LHX4: variants seen among roughly 807,000 people sequenced by gnomAD.
The protein encoded by LHX4 is LIM homeobox 4.
A neutral mutation model predicts 39.2 loss-of-function variants in LHX4; 16 were observed. That is an observed-to-expected ratio of 0.41 (90% CI 0.28 to 0.62). The LOEUF is 0.62. Ranked by LOEUF, LHX4 falls within the 20% of genes least tolerant of loss-of-function variation. LHX4 has a pLI of 0.33. For missense variants in LHX4, 439 were observed against 511.9 expected (o/e 0.86, Z 1.37); for synonymous variants, 206 against 198.1 (o/e 1.04, Z -0.33).
rs527458853 is a variant in LHX4, at chr1:180,243,862, ACT to A, written c.77-4416_77-4415del. Among the ~76,000 whole-genome samples the A allele has an allele frequency of 3.9e-3, 595 of 152,048 alleles. 3 individuals are homozygous for A. The highest frequency in any genetic ancestry group is 6.8e-3 in the Middle Eastern group (2 of 294). On this transcript the variant is annotated intron_variant, in intron 1 of 5. Coordinates refer to ENST00000263726, the MANE Select transcript of LHX4 (RefSeq NM_033343.4). ...TTGCTGTACATGGAATCGTGTTGAG[ACT>A]CTCTCTGCCACAATTTCCTATCTAA...
chr1:180,248,172 G>T, intron 1 of LHX4, 113 bp from the exon 2 acceptor site: 2 of 939,216 alleles, frequency 2.1e-6, no homozygotes, highest in Non-Finnish European at 3.4e-6. Context: ...TCTGCGGTTT[G>T]GGCCATGTCT....
intron 2 of LHX4, among the ~76,000 whole-genome samples, chr1:180,250,355 G>A (rs554424255): frequency 1.6e-3 from 243 of 151,348 alleles, no homozygotes; most frequent in African/African-American, 3.2e-3. Flanking sequence ...GTGTGCGCGC[G>A]TGGGTTGACA....
chr1:180,242,698 T>C (rs1009603392), intron 1 of LHX4, among the ~76,000 whole-genome samples: 1 of 152,180 alleles, frequency 6.6e-6, no homozygotes, highest in Non-Finnish European at 1.5e-5. Flanking sequence ...AAAGATTCTT[T>C]GGCTGTTCCA....
chr1:180,245,619 G>T (rs1478128223), intron 1 of LHX4, among the ~76,000 whole-genome samples: 1 of 152,224 alleles, frequency 6.6e-6, no homozygotes. Flanking sequence ...CCGTGGGCAT[G>T]ACAGTTATCT....
intron 2 of LHX4, among the ~76,000 whole-genome samples, chr1:180,254,550 C>G (rs1214892393): frequency 6.6e-6 from 1 of 152,240 alleles, no homozygotes; most frequent in African/African-American, 2.4e-5. Flanking sequence ...TGGCTGCAGA[C>G]AGGGCTTCAC....
intron 1 of LHX4, among the ~76,000 whole-genome samples, chr1:180,242,057 C>A (rs1664454568): frequency 6.6e-6 from 1 of 151,850 alleles, no homozygotes; most frequent in Non-Finnish European, 1.5e-5. Flanking sequence ...TGAGCCCTTT[C>A]CAAAAAAGTA....
chr1:180,261,303 G>C (rs1373843823), intron 2 of LHX4, among the ~76,000 whole-genome samples: 1 of 151,682 alleles, frequency 6.6e-6, no homozygotes. Flanking sequence ...AAGGGAGGCA[G>C]GCAGGGATCA....
At position 180,248,363 on chromosome 1, in the gene LHX4, G is replaced by A. The variant is rs1429668494; in HGVS notation, c.155G>A (p.Ser52Asn). 1 of 1,614,128 alleles carries A rather than the reference G, an allele frequency of 6.2e-7. No individual in the cohort carries two copies. Reference protein sequence around the residue: ...ILKVLDRHWHSSCLKCADCQM... With the variant: ...ILKVLDRHWHNSCLKCADCQM... ...AAGGTCCTGGACAGACACTGGCACA[G>A]CTCCTGCCTCAAGTGTGCAGACTGC... The change falls in exon 2 of 6, where the codon AGC becomes AAC. Residue 52 changes from serine to asparagine, a missense_variant. Ser to Asn is a conservative substitution (Grantham distance 46, BLOSUM62 1). Transcript: ENST00000263726.
intron 2 of LHX4, among the ~76,000 whole-genome samples, chr1:180,260,796 C>T (rs918550169): frequency 6.6e-5 from 10 of 151,874 alleles, no homozygotes; most frequent in Non-Finnish European, 1.3e-4. Flanking sequence ...CAGCCTAGGT[C>T]AGGGCACCAA....
chr1:180,267,489 T>A (rs1648371037), intron 3 of LHX4, among the ~76,000 whole-genome samples: 1 of 152,226 alleles, frequency 6.6e-6, no homozygotes, highest in South Asian at 2.1e-4. Flanking sequence ...GGTGGACACT[T>A]TTATTCCTGC....
At chr1:180,231,873 C>T (rs1664190699) in intron 1 of LHX4, among the ~76,000 whole-genome samples, 1 of 152,144 alleles carries the variant, frequency 6.6e-6, no homozygotes, top group Non-Finnish European at 1.5e-5. Flanking sequence ...GTACCGTAGG[C>T]TTCCCTGGGA....
At chr1:180,251,286 G>A (rs916701140) in intron 2 of LHX4, among the ~76,000 whole-genome samples, 9 of 152,212 alleles carry the variant, frequency 5.9e-5, no homozygotes, top group Non-Finnish European at 1.2e-4. Context: ...TCCCAGGCAT[G>A]CTTGGTGGGC....
chr1:180,246,377 T>G (rs1328589842), intron 1 of LHX4, among the ~76,000 whole-genome samples: 1 of 152,230 alleles, frequency 6.6e-6, no homozygotes, highest in Non-Finnish European at 1.5e-5. Context: ...TGTTAACACT[T>G]TTTAAATTAT....
Position 180,271,288 on chromosome 1 carries a change from T to G in LHX4, c.452-92T>G, listed in dbSNP as rs569788850. 2.3e-4 allele frequency: 326 copies of G among 1,424,586 alleles called. 1 individual carries two copies. In the Middle Eastern group the frequency reaches 6.0e-3, roughly 26 times the overall value. 88.2% of individuals were successfully genotyped at this position (1,424,586 alleles called of 1,614,324 possible). On this transcript the variant is annotated intron_variant, in intron 3 of 5. Coordinates refer to ENST00000263726, the MANE Select transcript of LHX4 (RefSeq NM_033343.4). ...GCTGTCCTGCCTACAGCAGGCAGGC[T>G]TAGGTGCAGAAAGGATGGAAGGGAG...
At position 180,242,124 on chromosome 1, in the gene LHX4, C is replaced by G. The variant is rs553788578; in HGVS notation, c.77-6161C>G. Among the ~76,000 whole-genome samples the G allele has an allele frequency of 2.0e-5, 3 of 152,290 alleles. No individual in the cohort carries two copies. The South Asian group carries it at 6.2e-4, about 32-fold the overall frequency. On this transcript the variant is annotated intron_variant, in intron 1 of 5. Coordinates refer to ENST00000263726, the MANE Select transcript of LHX4 (RefSeq NM_033343.4). Reference sequence around the variant, plus strand: ...TTCTAGTTCACTCACTCCCTACTCTCCCCACTGCTTCAGGATTGGACAGCT... The same window carrying G: ...TTCTAGTTCACTCACTCCCTACTCTGCCCACTGCTTCAGGATTGGACAGCT...
chr1:180,233,240 C>T (rs558010724), intron 1 of LHX4, among the ~76,000 whole-genome samples: 15 of 152,364 alleles, frequency 9.8e-5, no homozygotes, highest in Admixed American at 9.1e-4. Context: ...CAGACTTGGC[C>T]TCTTCCTCGC....
At chr1:180,229,967 G>T (rs1226354214), upstream of LHX4, among the ~76,000 whole-genome samples, 10 of 126,636 alleles carry the variant, frequency 7.9e-5, no homozygotes, top group South Asian at 2.4e-3. Context: ...GGCGGGGAGG[G>T]GGGGGGGGTG....
At chr1:180,250,449 G>A (rs370542330) in intron 2 of LHX4, among the ~76,000 whole-genome samples, 120 of 152,304 alleles carry the variant, frequency 7.9e-4, no homozygotes, top group African/African-American at 2.8e-3. Context: ...CCTTGGGGTC[G>A]GGTGAGCTGC....
chr1:180,243,462 A>C (rs1234263179), intron 1 of LHX4, among the ~76,000 whole-genome samples: 1 of 152,178 alleles, frequency 6.6e-6, no homozygotes, highest in Admixed American at 6.5e-5. Flanking sequence ...CTAAACTGTA[A>C]AAATAATAAT....
Sources: allele counts gnomAD v4.1 joint callset (sites outside exome capture counted in the v4.1 genomes callset), GRCh38; gene constraint gnomAD v4.1.1; transcripts MANE v1.5; gene names NCBI Gene and HGNC (gene_info 2026-07-23, HGNC 2026-07-21).